Variants in DHRSX observed in about 807,000 individuals in gnomAD.
The protein encoded by DHRSX is dehydrogenase/reductase X-linked.
Under a neutral mutation model 34.0 loss-of-function variants are expected in DHRSX, and 31 were observed. The ratio of observed to expected loss-of-function variants is 0.91; its 90% CI spans 0.69 to 1.23. DHRSX has a LOEUF of 1.23. Ranked by LOEUF, DHRSX falls within the 50% of genes most tolerant of loss-of-function variation. DHRSX has a pLI of 0.00. For synonymous variants in DHRSX, 201 were observed against 183.8 expected, an observed-to-expected ratio of 1.09 and a Z score of -0.76; for missense variants, 414 against 428.1, an observed-to-expected ratio of 0.97 and a Z score of 0.29.
intron 4 of DHRSX, among the ~76,000 whole-genome samples, chrX:2,272,804 A>AC (rs2124470379): frequency 2.6e-5 from 4 of 151,984 alleles, no homozygotes; most frequent in South Asian, 2.1e-4. Context: ...CCCACAGGAG[A>AC]CCCCCCAGGC....
chrX:2,434,748 G>A (rs2043972832), intron 1 of DHRSX, among the ~76,000 whole-genome samples: 1 of 152,180 alleles, frequency 6.6e-6, no homozygotes, highest in South Asian at 2.1e-4. Context: ...TACTTGCACA[G>A]ATACACTCCC....
intron 1 of DHRSX, chrX:2,489,421 C>T (rs772761841): frequency 3.1e-6 from 5 of 1,613,902 alleles, no homozygotes; most frequent in Non-Finnish European, 2.5e-6. Context: ...TGATGTTGAG[C>T]GTGGTGTTCA....
chrX:2,481,013 A>G (rs1235828169), intron 1 of DHRSX, among the ~76,000 whole-genome samples: 1 of 152,128 alleles, frequency 6.6e-6, no homozygotes, highest in African/African-American at 2.4e-5. Context: ...GGATTATGTG[A>G]ATATGTTAAT....
At chrX:2,238,133 C>T (rs1051562841) in intron 6 of DHRSX, among the ~76,000 whole-genome samples, 18 of 152,074 alleles carry the variant, frequency 1.2e-4, no homozygotes, top group Admixed American at 1.3e-4. Context: ...GCAGGAGGAT[C>T]GCTTGGGGCT....
intron 3 of DHRSX, among the ~76,000 whole-genome samples, chrX:2,339,097 C>T (rs1169158313): frequency 6.6e-6 from 1 of 151,904 alleles, no homozygotes; most frequent in African/African-American, 2.4e-5. Context: ...TTTTCCATAA[C>T]TTATTGGGTT....
At position 2,291,503 on chromosome X, in the gene DHRSX, A is replaced by G; in HGVS notation, c.387T>C (p.Asn129=). 1 of 1,613,144 alleles carries G rather than the reference A, an allele frequency of 6.2e-7. No homozygotes were observed. The highest frequency in any genetic ancestry group is 1.1e-5 in the South Asian group (1 of 91,026). The change falls in exon 4 of 7, where the codon AAT becomes AAC. Residue 129 remains asparagine, a splice_region_variant and synonymous_variant. Coordinates refer to ENST00000334651, the MANE Select transcript of DHRSX (RefSeq NM_145177.3). ...KKIPLHVLIN[N]AGVMMVPQRK... ...TGCTGCAATTTCACCAGGACTCACC[A>G]TTGTTGATCAGGACATGGAGAGGAA...
chrX:2,355,650 C>T (rs749392614), intron 3 of DHRSX, among the ~76,000 whole-genome samples: 4 of 149,300 alleles, frequency 2.7e-5, no homozygotes, highest in Admixed American at 1.3e-4. Flanking sequence ...AAATATTAAA[C>T]GTTTAACAAA....
chrX:2,384,316 G>A (rs1431323661), intron 3 of DHRSX, among the ~76,000 whole-genome samples: 2 of 152,172 alleles, frequency 1.3e-5, no homozygotes, highest in Non-Finnish European at 2.9e-5. Flanking sequence ...GAAGCAGGGA[G>A]GTGTAGGAGG....
At chrX:2,470,230 G>C (rs766726647) in intron 1 of DHRSX, among the ~76,000 whole-genome samples, 1 of 151,168 alleles carries the variant, frequency 6.6e-6, no homozygotes, top group Non-Finnish European at 1.5e-5. Context: ...GTGGTTGCCA[G>C]GGAAGAATGC....
intron 4 of DHRSX, among the ~76,000 whole-genome samples, chrX:2,276,400 G>A (rs1282177241): frequency 7.9e-5 from 12 of 152,136 alleles, no homozygotes; most frequent in African/African-American, 2.7e-4. Flanking sequence ...TAGAACTATC[G>A]TTCATTGATC....
chrX:2,247,463 G>C (rs771972897), intron 5 of DHRSX, among the ~76,000 whole-genome samples: 2 of 151,662 alleles, frequency 1.3e-5, no homozygotes, highest in South Asian at 4.2e-4. Context: ...GACCATCCTG[G>C]CTAACATGGT....
chrX:2,389,378 T>C (rs1490411930), intron 3 of DHRSX, among the ~76,000 whole-genome samples: 2 of 151,818 alleles, frequency 1.3e-5, no homozygotes, highest in African/African-American at 2.4e-5. Context: ...AATCCCTGAA[T>C]CCAGACTCTG....
intron 3 of DHRSX, among the ~76,000 whole-genome samples, chrX:2,304,204 AATGG>A (rs374906907): frequency 0.61 from 37,503 of 61,320 alleles, 10,515 homozygotes; most frequent in Non-Finnish European, 0.67. Flanking sequence ...TGGATGGATA[AATGG>A]ATGGATGGAT....
intron 3 of DHRSX, among the ~76,000 whole-genome samples, chrX:2,318,017 T>C (rs1282106621): frequency 6.6e-6 from 1 of 152,014 alleles, no homozygotes; most frequent in Non-Finnish European, 1.5e-5. Context: ...GGGAGGGATG[T>C]GCAGAAATGA....
intron 1 of DHRSX, among the ~76,000 whole-genome samples, chrX:2,465,367 C>T: frequency 6.6e-6 from 1 of 152,218 alleles, no homozygotes; most frequent in Admixed American, 6.5e-5. Flanking sequence ...AAATACATGG[C>T]TCCCTTAAGT....
intron 4 of DHRSX, among the ~76,000 whole-genome samples, chrX:2,283,985 CTCATTCCTTTGAAT>C (rs1313661910): frequency 1.6e-4 from 7 of 45,016 alleles, no homozygotes; most frequent in African/African-American, 7.2e-4. Context: ...TTTGAATTCA[CTCATTCCTTTGAAT>C]TCATTCATTC....
intron 1 of DHRSX, among the ~76,000 whole-genome samples, chrX:2,432,477 G>A (rs1445027568): frequency 6.6e-6 from 1 of 152,130 alleles, no homozygotes; most frequent in Non-Finnish European, 1.5e-5. Context: ...AAACATTTGA[G>A]AAGCTTCTAT....
intron 1 of DHRSX, among the ~76,000 whole-genome samples, chrX:2,466,687 G>A (rs1207327051): frequency 1.3e-5 from 2 of 152,080 alleles, no homozygotes; most frequent in Non-Finnish European, 2.9e-5. Flanking sequence ...GGTGGTACTG[G>A]ACTTATTACC....
intron 1 of DHRSX, among the ~76,000 whole-genome samples, chrX:2,468,607 G>A (rs1230101144): frequency 6.6e-6 from 1 of 151,628 alleles, no homozygotes; most frequent in East Asian, 1.9e-4. Context: ...CCCTAAGTAT[G>A]CGGCCAAGGG....
Sources: allele counts gnomAD v4.1 joint callset (sites outside exome capture counted in the v4.1 genomes callset), GRCh38; gene constraint gnomAD v4.1.1; transcripts MANE v1.5; gene names NCBI Gene and HGNC (gene_info 2026-07-23, HGNC 2026-07-21).